The following SCARF2 variants were observed in gnomAD, a reference collection of about 807,000 sequenced individuals.
SCARF2 encodes the protein scavenger receptor expressed by endothelial cells 2 protein.
In SCARF2, 39 loss-of-function variants were observed where a neutral mutation model predicts 73.4. The observed-to-expected ratio is 0.53, with a 90% CI of 0.41 to 0.69. The LOEUF (loss-of-function observed/expected upper bound fraction) is 0.69, where lower values mean the gene tolerates loss of function less well. Among genes scored for constraint, SCARF2 ranks in the 30% least tolerant of loss-of-function variants. The pLI, the probability that SCARF2 is intolerant of heterozygous loss-of-function variation, is 0.00. For missense variants in SCARF2, 1,148 were observed against 1,303.5 expected (o/e 0.88, Z 1.84); for synonymous variants, 605 against 590.0 (o/e 1.03, Z -0.37).
At chr22:20,428,152 G>A (rs889423920) in intron 9 of SCARF2, among the ~76,000 whole-genome samples, 1 of 152,056 alleles carries the variant, frequency 6.6e-6, no homozygotes, top group African/African-American at 2.4e-5. Flanking sequence ...GTGGGCCAAG[G>A]GGTTTTCTCT....
In SCARF2 at chr22:20,431,353, C is replaced by A; in HGVS notation, c.519G>T (p.Glu173Asp). The change falls in exon 4 of 11, where the codon GAG becomes GAT. Residue 173 changes from glutamate (E) to aspartate (D), a missense_variant. Physicochemically the swap from Glu to Asp is conservative, Grantham distance 45 (BLOSUM62 2). This residue lies in a region of SCARF2 where 372 missense variants were observed against 532.0 expected (regional missense o/e 0.70). Transcript: ENST00000622235. ...CGCACTGCGCGCCCCACCAGCCGGGCTCACAGCGGCACGCGCCGCTCCGCG... is the reference window on the plus strand; with the variant it reads ...CGCACTGCGCGCCCCACCAGCCGGGATCACAGCGGCACGCGCCGCTCCGCG... ...CHPRSGACRC[E>D]PGWWGAQCAS... The A allele has an allele frequency of 6.6e-7, 1 of 1,513,856 alleles. No homozygotes were observed. Among genetic ancestry groups the A allele is most frequent in the South Asian group, 1.2e-5 (1 of 81,908 alleles). 93.8% of individuals were successfully genotyped at this position (1,513,856 alleles called of 1,614,324 possible). A position where few individuals can be genotyped will look rare whatever the true frequency, so the allele number is the denominator to read the frequency against.
At chr22:20,437,438 A>G (rs1412357416) in intron 1 of SCARF2, 144 bp downstream of exon 1, 2 of 876,212 alleles carry the variant, frequency 2.3e-6, no homozygotes, top group Non-Finnish European at 3.3e-6. Context: ...CTGGGCCTGG[A>G]ACGGAGCCGC....
intron 1 of SCARF2, among the ~76,000 whole-genome samples, chr22:20,434,038 C>T (rs2052673290): frequency 1.3e-5 from 2 of 152,276 alleles, no homozygotes. Context: ...GGGTTTGCCA[C>T]TTGCTGTGTG....
chr22:20,428,132 A>G (rs1191709211), intron 9 of SCARF2, among the ~76,000 whole-genome samples: 4 of 152,082 alleles, frequency 2.6e-5, no homozygotes, highest in Admixed American at 2.0e-4. Flanking sequence ...CCCAGATGCC[A>G]TGCTGCTAGG....
chr22:20,429,790 C>A lies in SCARF2; in HGVS notation c.1246G>T (p.Ala416Ser). The change falls in exon 7 of 11, where the codon GCT (alanine) becomes TCT (serine). Residue 416 changes from alanine (A) to serine (S), a missense_variant. By Grantham distance (99) the Ala-to-Ser change is moderately conservative (BLOSUM62 1). Around this residue, in one of 5 missense-constraint regions of SCARF2, gnomAD observed 372 missense variants for 532.0 expected, o/e 0.70. Transcript: ENST00000622235. This position sits in a 1 kb window ranked among gnomAD's most constrained non-coding sequence, Gnocchi z 5.2. Reference protein sequence around the residue: ...CPPGLHGADCAQACSCHEDTC... With the variant: ...CPPGLHGADCSQACSCHEDTC... Reference sequence around the variant, plus strand: ...TCCTCGTGGCAGCTGCAGGCCTGAGCACAGTCCGCGCCGTGGAGTCCGGGC... The same window carrying A: ...TCCTCGTGGCAGCTGCAGGCCTGAGAACAGTCCGCGCCGTGGAGTCCGGGC... 2.5e-6 allele frequency: 4 copies of A among 1,613,424 alleles called. No individual in the cohort carries two copies. The highest frequency in any genetic ancestry group is 3.4e-6 in the Non-Finnish European group (4 of 1,179,902).
chr22:20,437,282 C>T (rs925464868), intron 1 of SCARF2, among the ~76,000 whole-genome samples: 3 of 152,332 alleles, frequency 2.0e-5, no homozygotes, highest in Admixed American at 6.5e-5. Context: ...CTTCACAACT[C>T]GGTCAAGGGT....
Position 20,429,409 on chromosome 22 carries a change from G to C in SCARF2, c.1425-69C>G, listed in dbSNP as rs765078051. 18 of 1,555,630 alleles carry C rather than the reference G, an allele frequency of 1.2e-5. No homozygotes were observed. The highest frequency in any genetic ancestry group is 9.5e-5 in the Admixed American group (5 of 52,854). On this transcript the variant is annotated intron_variant, in intron 8 of 10. Coordinates refer to ENST00000622235, the MANE Select transcript of SCARF2 (RefSeq NM_182895.5). The surrounding 1 kb of genome is among the most constrained non-coding windows in gnomAD (Gnocchi z 5.2). The stretch of plus-strand genomic sequence containing the variant: ...GCCCAGGGGCGATTAGATCTCGGCC[G>C]GAGCCAAGCACAGAAGGGGCGGGGC...
intron 10 of SCARF2, 61 bp from the exon 11 acceptor site, chr22:20,426,343 C>T: frequency 6.6e-7 from 1 of 1,514,318 alleles, no homozygotes. Context: ...GCTCCAACCT[C>T]CAGGCGCAAA....
Position 20,429,434 on chromosome 22 carries a change from C to T in SCARF2, c.1425-94G>A, listed in dbSNP as rs8137004. ...GGAGCCAAGCACAGAAGGGGCGGGG[C>T]CACGTCCGGGGCAGGGGCGCGGAAG... On this transcript the variant is annotated intron_variant, in intron 8 of 10. Coordinates refer to ENST00000622235, the MANE Select transcript of SCARF2 (RefSeq NM_182895.5). This position sits in a 1 kb window ranked among gnomAD's most constrained non-coding sequence, Gnocchi z 5.2. The T allele has an allele frequency of 0.12, 181,296 of 1,560,438 alleles. 11,470 individuals are homozygous for T. Among genetic ancestry groups the T allele is most frequent in the Middle Eastern group, 0.17 (776 of 4,492 alleles).
At chr22:20,437,126 G>T (rs1462482219) in intron 1 of SCARF2, among the ~76,000 whole-genome samples, 1 of 152,032 alleles carries the variant, frequency 6.6e-6, no homozygotes. Flanking sequence ...AGTCTGGCTT[G>T]CTCCAGGACC....
Position 20,426,227 on chromosome 22 carries a change from C to A in SCARF2, c.1749G>T (p.Pro583=), listed in dbSNP as rs906435705. The change falls in exon 11 of 11, where the codon CCG becomes CCT. Residue 583 remains proline (P), a synonymous_variant. Transcript: ENST00000622235. ...PEVPTVPAEA[P]APSPVPLTTP... The stretch of plus-strand genomic sequence containing the variant: ...TGGTCAAGGGCACAGGGGACGGCGC[C>A]GGCGCCTCGGCAGGGACAGTGGGGA... The A allele has an allele frequency of 3.5e-5, 53 of 1,534,148 alleles. No homozygotes were observed. In the African/African-American group the frequency reaches 6.4e-4, roughly 19 times the overall value.
At chr22:20,430,324 C>T in intron 6 of SCARF2, 105 bp downstream of exon 6, 1 of 1,379,736 alleles carries the variant, frequency 7.2e-7, no homozygotes, top group Non-Finnish European at 9.9e-7. Context: ...GGGACCAAGG[C>T]TGAGGTGATA....
rs1234044015 is a variant in SCARF2, at chr22:20,429,283, G to C, written c.1482C>G (p.Arg494=). ...APHRLCGRFS[R]ISMKLPRIPL... The stretch of plus-strand genomic sequence containing the variant: ...GGATCCGGGGCAGCTTCATGCTGAT[G>C]CGACTGAAGCGCCCGCATAGTCGGT... Residue 494 remains arginine, a synonymous_variant, in exon 9 of 11, where the codon CGC becomes CGG. Coordinates refer to ENST00000622235, the MANE Select transcript of SCARF2 (RefSeq NM_182895.5). This position sits in a 1 kb window ranked among gnomAD's most constrained non-coding sequence, Gnocchi z 5.2. 1 of 1,613,660 alleles carries C rather than the reference G, an allele frequency of 6.2e-7. No individual in the cohort carries two copies. Among genetic ancestry groups the C allele is most frequent in the East Asian group, 2.2e-5 (1 of 44,874 alleles).
chr22:20,432,023 C>A (rs756668391), intron 1 of SCARF2, 35 bp from the exon 2 acceptor site: 1 of 1,587,486 alleles, frequency 6.3e-7, no homozygotes, highest in South Asian at 1.1e-5. Flanking sequence ...AGCCCGATGC[C>A]CCTCCCCCAG....
chr22:20,437,344 G>A lies in SCARF2; in HGVS notation c.173+238C>T, dbSNP rs2052711657. Among the ~76,000 whole-genome samples the A allele has an allele frequency of 7.9e-5, 12 of 152,282 alleles. 1 individual carries two copies. The South Asian group carries it at 2.1e-3, about 26-fold the overall frequency. On this transcript the variant is annotated intron_variant, in intron 1 of 10. Coordinates refer to ENST00000622235, the MANE Select transcript of SCARF2 (RefSeq NM_182895.5). ...CCCGGACAACGCGTGTCATCCCCTG[G>A]GTGCCCACGGCACTCCATCCTCCCC...
intron 4 of SCARF2, 44 bp downstream of exon 4, chr22:20,430,974 C>A: frequency 6.4e-7 from 1 of 1,565,226 alleles, no homozygotes; most frequent in African/African-American, 1.3e-5. Flanking sequence ...ATCGGCGGCC[C>A]GCCCTTCCAC....
intron 1 of SCARF2, 70 bp from the exon 2 acceptor site, chr22:20,432,058 G>C: frequency 6.8e-7 from 1 of 1,472,818 alleles, no homozygotes; most frequent in Non-Finnish European, 9.3e-7. Flanking sequence ...GGGCTCCTCC[G>C]CAGCCTCCGC....
intron 1 of SCARF2, among the ~76,000 whole-genome samples, chr22:20,433,202 G>T (rs1569111351): frequency 6.6e-6 from 1 of 152,228 alleles, no homozygotes; most frequent in East Asian, 1.9e-4. Context: ...TAGGGGATGA[G>T]CTGGGGTTAG....
Position 20,429,413 on chromosome 22 carries a change from C to T in SCARF2, c.1425-73G>A. 6.4e-7 allele frequency: 1 copy of T among 1,556,268 alleles called. No individual in the cohort carries two copies. The highest frequency in any genetic ancestry group is 8.7e-7 in the Non-Finnish European group (1 of 1,151,924). ...AGGGGCGATTAGATCTCGGCCGGAG[C>T]CAAGCACAGAAGGGGCGGGGCCACG... is the stretch of plus-strand genomic sequence containing the variant. On this transcript the variant is annotated intron_variant, in intron 8 of 10. Coordinates refer to ENST00000622235, the MANE Select transcript of SCARF2 (RefSeq NM_182895.5). The surrounding 1 kb of genome is among the most constrained non-coding windows in gnomAD (Gnocchi z 5.2).
Sources: allele counts gnomAD v4.1 joint callset (sites outside exome capture counted in the v4.1 genomes callset), GRCh38; gene constraint gnomAD v4.1.1; regional missense constraint gnomAD v4.1.1; non-coding constraint Gnocchi (gnomAD v3.1); transcripts MANE v1.5; gene names NCBI Gene and HGNC (gene_info 2026-07-23, HGNC 2026-07-21).